HFM1: variants seen among roughly 807,000 people sequenced by gnomAD.
HFM1 encodes the protein probable ATP-dependent DNA helicase HFM1.
Under a neutral mutation model 192.1 loss-of-function variants are expected in HFM1, and 169 were observed. The ratio of observed to expected loss-of-function variants is 0.88; its 90% confidence interval spans 0.78 to 1.00. HFM1 has a LOEUF of 1.00. Among genes scored for constraint, HFM1 ranks in the 50% least tolerant of loss-of-function variants. The probability of loss-of-function intolerance (pLI) is 0.00; values close to 1 mark genes in which losing one functional copy is unlikely to be tolerated. For missense variants in HFM1, 1,661 were observed against 1,668.0 expected (o/e 1.00, Z 0.07); for synonymous variants, 525 against 537.8 (o/e 0.98, Z 0.33).
At chr1:91,327,792 A>C (rs1337650185) in intron 20 of HFM1, among the ~76,000 whole-genome samples, 1 of 152,212 alleles carries the variant, frequency 6.6e-6, no homozygotes, top group Non-Finnish European at 1.5e-5. Flanking sequence ...CTGAAATAAA[A>C]CTAGAAATAA....
chr1:91,404,400 G>A (rs1664640712), intron 1 of HFM1, among the ~76,000 whole-genome samples: 1 of 152,208 alleles, frequency 6.6e-6, no homozygotes. Flanking sequence ...TGTGAAACCC[G>A]CGGCTCAGAC....
At chr1:91,403,633 G>A (rs1664540332) in intron 1 of HFM1, among the ~76,000 whole-genome samples, 1 of 151,962 alleles carries the variant, frequency 6.6e-6, no homozygotes, top group Non-Finnish European at 1.5e-5. Context: ...TTCAGCACGT[G>A]GCACAAAATT....
At position 91,394,193 on chromosome 1, in the gene HFM1, T is replaced by C. The variant is rs756555959; in HGVS notation, c.394A>G (p.Ile132Val). 40 of 1,604,860 alleles carry C rather than the reference T, an allele frequency of 2.5e-5. No individual in the cohort carries two copies. The highest frequency in any genetic ancestry group is 1.7e-4 in the Middle Eastern group (1 of 6,032). ...TTCTCAGGTGCTATCTCAGTGCCAA[T>C]GTGATTTTTATATTTCTGAGAAGCA... ...TYASQKYKNH[I>V]GTEIAPEKSV... is the part of the protein sequence containing the mutation. The change falls in exon 4 of 39, where the codon ATT (isoleucine) becomes GTT (valine). Residue 132 changes from isoleucine (I) to valine (V), a missense_variant. Ile to Val is a conservative substitution (Grantham distance 29). Transcript: ENST00000370425.
chr1:91,277,894 T>C (rs1213767764), intron 30 of HFM1, among the ~76,000 whole-genome samples: 2 of 49,912 alleles, frequency 4.0e-5, no homozygotes, highest in African/African-American at 1.6e-4. Context: ...ATATATTATA[T>C]ATGCTTATAT....
intron 20 of HFM1, among the ~76,000 whole-genome samples, chr1:91,337,247 G>T (rs561064430): frequency 2.6e-5 from 4 of 152,092 alleles, no homozygotes; most frequent in Admixed American, 2.0e-4. Flanking sequence ...GAAAAAATTG[G>T]CCTTTTGAGC....
chr1:91,325,726 C>T (rs1652801114), intron 20 of HFM1, among the ~76,000 whole-genome samples: 1 of 152,008 alleles, frequency 6.6e-6, no homozygotes, highest in Admixed American at 6.5e-5. Context: ...AAGAACACCT[C>T]CAGGAAAACA....
intron 19 of HFM1, among the ~76,000 whole-genome samples, chr1:91,345,123 AC>A (rs1207913806): frequency 6.6e-6 from 1 of 152,202 alleles, no homozygotes; most frequent in East Asian, 1.9e-4. Context: ...CAAAATAAAC[AC>A]ATTACCTTTT....
intron 3 of HFM1, among the ~76,000 whole-genome samples, chr1:91,396,015 G>GA (rs1038047588): frequency 1.3e-5 from 2 of 151,786 alleles, no homozygotes; most frequent in African/African-American, 4.8e-5. Flanking sequence ...CGCCTAGCTA[G>GA]TTTTTTTGTA....
intron 20 of HFM1, chr1:91,338,830 A>T: frequency 7.0e-6 from 3 of 427,184 alleles, no homozygotes; most frequent in South Asian, 5.1e-5. Context: ...AGACCTCACC[A>T]TGCTACTATA....
At chr1:91,322,895 A>T in intron 23 of HFM1, 55 bp downstream of exon 23, 2 of 818,062 alleles carry the variant, frequency 2.4e-6, no homozygotes, top group South Asian at 2.4e-5. Context: ...AAAACAAATT[A>T]AAAATGTTTT....
At chr1:91,285,966 G>T (rs1488509251) in intron 30 of HFM1, among the ~76,000 whole-genome samples, 3 of 152,100 alleles carry the variant, frequency 2.0e-5, no homozygotes. Context: ...CACAGTACTT[G>T]TGTTCAAGTA....
intron 30 of HFM1, among the ~76,000 whole-genome samples, chr1:91,302,697 A>C (rs1284493452): frequency 6.8e-6 from 1 of 147,158 alleles, no homozygotes; most frequent in Non-Finnish European, 1.5e-5. Flanking sequence ...AAAACCAAAC[A>C]CTGCATGTTC....
intron 23 of HFM1, among the ~76,000 whole-genome samples, chr1:91,321,184 G>A (rs1275848752): frequency 6.6e-6 from 1 of 152,214 alleles, no homozygotes; most frequent in African/African-American, 2.4e-5. Flanking sequence ...GCTCACGCCT[G>A]TAATCCCAGC....
intron 20 of HFM1, chr1:91,329,109 C>T (rs1297313407): frequency 4.3e-6 from 7 of 1,609,242 alleles, no homozygotes; most frequent in African/African-American, 4.0e-5. Flanking sequence ...TGGGCCCAAG[C>T]GGGCTGTGGA....
intron 11 of HFM1, among the ~76,000 whole-genome samples, chr1:91,376,206 T>C (rs1351515602): frequency 6.6e-6 from 1 of 152,024 alleles, no homozygotes; most frequent in Non-Finnish European, 1.5e-5. Flanking sequence ...ACTTGAGAGA[T>C]GCCAGTGCCA....
chr1:91,306,269 T>C (rs1292809633), intron 30 of HFM1, among the ~76,000 whole-genome samples: 1 of 152,060 alleles, frequency 6.6e-6, no homozygotes, highest in Non-Finnish European at 1.5e-5. Flanking sequence ...GAGGTGGAGA[T>C]TATGGTGAGC....
In HFM1 at chr1:91,401,069, T is replaced by C; in HGVS notation, c.14A>G (p.Asn5Ser). The C allele has an allele frequency of 6.4e-7, 1 of 1,552,978 alleles. No homozygotes were observed. Among genetic ancestry groups the C allele is most frequent in the Non-Finnish European group, 8.7e-7 (1 of 1,153,566 alleles). The change falls in exon 2 of 39, where the codon AAT becomes AGT. Residue 5 changes from asparagine to serine, a missense_variant. Physicochemically the swap from Asn to Ser is conservative, Grantham distance 46 (BLOSUM62 1). Coordinates refer to ENST00000370425, the MANE Select transcript of HFM1 (RefSeq NM_001017975.6). MLKSNDCLFSLENLF... is the reference protein window; with the variant it reads MLKSSDCLFSLENLF... ...ATTTTCCAAAGAAAACAGGCAATCA[T>C]TTGATTTCAGCATTGTTGAAAACTG...
intron 15 of HFM1, among the ~76,000 whole-genome samples, 164 bp from the exon 16 acceptor site, chr1:91,352,815 C>T (rs545377147): frequency 6.6e-6 from 1 of 151,834 alleles, no homozygotes; most frequent in East Asian, 1.9e-4. Flanking sequence ...CACCTTAAAT[C>T]CAAAAACCTA....
At chr1:91,323,283 T>C in intron 21 of HFM1, 84 bp from the exon 22 acceptor site, 2 of 784,554 alleles carry the variant, frequency 2.5e-6, no homozygotes, top group East Asian at 5.1e-5. Flanking sequence ...TTATTTTTCA[T>C]ACTGCCTTAA....
Sources: gnomAD v4.1 joint callset for allele counts (sites outside exome capture counted in the v4.1 genomes callset) on GRCh38, gnomAD v4.1.1 for gene constraint, MANE v1.5 for transcripts, NCBI Gene and HGNC (gene_info 2026-07-23, HGNC 2026-07-21) for gene names.